The following CNBD2 variants were observed in gnomAD, a reference collection of about 807,000 sequenced individuals.
CNBD2 encodes cyclic nucleotide-binding domain-containing protein 2.
A neutral mutation model predicts 63.7 loss-of-function variants in CNBD2; 64 were observed. The observed-to-expected ratio is 1.00, with a 90% CI of 0.82 to 1.24. CNBD2 has a LOEUF of 1.24. Ranked by LOEUF, CNBD2 falls within the 50% of genes most tolerant of loss-of-function variation. The pLI, the probability that CNBD2 is intolerant of heterozygous loss-of-function variation, is 0.00. For missense variants in CNBD2, 691 were observed against 713.5 expected (o/e 0.97, Z 0.36); for synonymous variants, 229 against 255.4 (o/e 0.90, Z 0.99).
At chr20:36,013,704 A>T (rs947285963) in intron 10 of CNBD2, among the ~76,000 whole-genome samples, 5 of 152,202 alleles carry the variant, frequency 3.3e-5, no homozygotes, top group African/African-American at 1.2e-4. Flanking sequence ...GTTAACACTG[A>T]AATAAATCAG....
intron 11 of CNBD2, 90 bp downstream of exon 11, chr20:36,023,861 C>T (rs1305229719): frequency 7.0e-6 from 8 of 1,143,582 alleles, no homozygotes; most frequent in Non-Finnish European, 9.9e-6. Context: ...AATATAATAC[C>T]TGTTGCTGAC....
intron 10 of CNBD2, 87 bp downstream of exon 10, chr20:36,011,344 C>T (rs949850227): frequency 1.5e-6 from 2 of 1,330,302 alleles, no homozygotes; most frequent in Admixed American, 5.7e-5. Context: ...GGTTTAAAAA[C>T]ACTTCCCTCC....
At chr20:36,020,521 C>T (rs754584741) in intron 10 of CNBD2, among the ~76,000 whole-genome samples, 3 of 152,162 alleles carry the variant, frequency 2.0e-5, no homozygotes, top group Non-Finnish European at 2.9e-5. Flanking sequence ...TTAGTGAGTG[C>T]TCAATAAATG....
chr20:36,030,614 C>T lies in CNBD2; in HGVS notation c.1697C>T (p.Ala566Val), dbSNP rs537703421. The T allele has an allele frequency of 6.8e-6, 11 of 1,614,192 alleles. No homozygotes were observed. The East Asian group carries it at 2.0e-4, about 29-fold the overall frequency. ...TTGAGGATTGTCCAAGCCATCAAAG[C>T]ACCTCGGTACAAAATCCGAGAACTC... ...PPLRIVQAIKAPRYKIRELLA is the reference protein window; with the variant it reads ...PPLRIVQAIKVPRYKIRELLA The change falls in exon 12 of 12, where the codon GCA becomes GTA. Residue 566 changes from alanine to valine, a missense_variant. Transcript: ENST00000373973.
intron 3 of CNBD2, among the ~76,000 whole-genome samples, chr20:35,979,393 T>C (rs1439856968): frequency 1.3e-5 from 2 of 152,252 alleles, no homozygotes; most frequent in African/African-American, 4.8e-5. Context: ...GCAGAGCCCT[T>C]GTAACCTAAT....
intron 7 of CNBD2, among the ~76,000 whole-genome samples, chr20:35,992,060 T>C (rs2056753613): frequency 6.6e-6 from 1 of 152,296 alleles, no homozygotes; most frequent in Admixed American, 6.5e-5. Flanking sequence ...TTTGTATTTT[T>C]AGTAGAGATG....
intron 10 of CNBD2, among the ~76,000 whole-genome samples, chr20:36,017,922 C>T (rs529633312): frequency 1.3e-5 from 2 of 152,300 alleles, no homozygotes; most frequent in East Asian, 3.9e-4. Flanking sequence ...CACAGCCAAG[C>T]GTGGTCACCC....
chr20:35,956,972 G>C (rs903302604), downstream of CNBD2, among the ~76,000 whole-genome samples: 4 of 152,146 alleles, frequency 2.6e-5, no homozygotes, highest in Non-Finnish European at 5.9e-5. Context: ...CACTGGTGGG[G>C]GTTAAATCAT....
intron 9 of CNBD2, among the ~76,000 whole-genome samples, chr20:36,009,719 C>T (rs1270127361): frequency 6.6e-6 from 1 of 151,962 alleles, no homozygotes; most frequent in Non-Finnish European, 1.5e-5. Flanking sequence ...GTAGTTCCAG[C>T]TACTTGGGAG....
chr20:35,965,430 A>G (rs1270586944), upstream of CNBD2, among the ~76,000 whole-genome samples: 1 of 152,154 alleles, frequency 6.6e-6, no homozygotes, highest in African/African-American at 2.4e-5. Flanking sequence ...CACCCGCATC[A>G]GCCTCCCAAA....
chr20:35,966,229 CT>C (rs1210205315), upstream of CNBD2, among the ~76,000 whole-genome samples: 3 of 152,204 alleles, frequency 2.0e-5, no homozygotes, highest in African/African-American at 7.2e-5. Context: ...TTCTTTCTCT[CT>C]CTGAATTCTT....
chr20:36,026,841 C>T (rs2057288213), intron 11 of CNBD2, among the ~76,000 whole-genome samples: 1 of 152,324 alleles, frequency 6.6e-6, no homozygotes, highest in South Asian at 2.1e-4. Flanking sequence ...TTGACCGTAT[C>T]GTGTTGTCAT....
intron 8 of CNBD2, among the ~76,000 whole-genome samples, chr20:36,008,024 G>A (rs921342498): frequency 3.2e-4 from 49 of 151,996 alleles, no homozygotes; most frequent in African/African-American, 1.2e-3. Flanking sequence ...CCTTTTTCTG[G>A]GTGACTTGAG....
At chr20:35,960,093 A>G (rs1275060863), downstream of CNBD2, among the ~76,000 whole-genome samples, 1 of 152,230 alleles carries the variant, frequency 6.6e-6, no homozygotes, top group East Asian at 1.9e-4. Context: ...CTTGGATGGT[A>G]AGGGATACCA....
intron 4 of CNBD2, 98 bp from the exon 5 acceptor site, chr20:35,983,884 A>G: frequency 1.4e-6 from 2 of 1,417,042 alleles, no homozygotes; most frequent in East Asian, 2.3e-5. Context: ...CTGTGCTCTT[A>G]TATCCCAAAG....
chr20:35,986,084 G>A (rs928901422), intron 6 of CNBD2, among the ~76,000 whole-genome samples: 9 of 152,214 alleles, frequency 5.9e-5, no homozygotes, highest in African/African-American at 2.2e-4. Flanking sequence ...GAATACTTAT[G>A]TGCATGAAAG....
chr20:36,014,685 A>G (rs368408707), intron 10 of CNBD2, among the ~76,000 whole-genome samples: 14 of 151,992 alleles, frequency 9.2e-5, no homozygotes, highest in African/African-American at 2.4e-4. Context: ...GCTGGAGTGC[A>G]GTGGCAAGTG....
rs1235752094 is a variant in CNBD2 at position 36,030,660 on chromosome 20, A to C, written c.*12A>C. The C allele has an allele frequency of 6.2e-7, 1 of 1,613,310 alleles. No individual in the cohort carries two copies. Among genetic ancestry groups the C allele is most frequent in the Admixed American group, 1.7e-5 (1 of 59,922 alleles). On this transcript the variant is annotated 3_prime_UTR_variant, in exon 12 of 12. Coordinates refer to ENST00000373973, the MANE Select transcript of CNBD2 (RefSeq NM_001365709.1). Reference sequence around the variant, plus strand: ...AACTCTTGGCTTAGTGTAAGAGCACAGGGGTCCTTATTTAGGACAAATAAA... The same window carrying C: ...AACTCTTGGCTTAGTGTAAGAGCACCGGGGTCCTTATTTAGGACAAATAAA...
At chr20:36,015,568 C>T (rs1473118079) in intron 10 of CNBD2, among the ~76,000 whole-genome samples, 6 of 152,116 alleles carry the variant, frequency 3.9e-5, no homozygotes, top group Non-Finnish European at 7.4e-5. Flanking sequence ...GAGTCTAGAA[C>T]ATATTGTAAA....
Sources: gnomAD v4.1 joint callset for allele counts (sites outside exome capture counted in the v4.1 genomes callset) on GRCh38, gnomAD v4.1.1 for gene constraint, MANE v1.5 for transcripts, NCBI Gene and HGNC (gene_info 2026-07-23, HGNC 2026-07-21) for gene names.